The following RCAN1 variants were observed in gnomAD, a reference collection of about 807,000 sequenced individuals.
The protein encoded by RCAN1 is calcipressin-1.
In RCAN1, 11 loss-of-function variants were observed where a neutral mutation model predicts 22.9. The observed-to-expected ratio is 0.48, with a 90% CI of 0.30 to 0.79. The LOEUF is 0.79. Among genes scored for constraint, RCAN1 ranks in the 30% least tolerant of loss-of-function variants. The pLI is 0.06. For synonymous variants in RCAN1, 136 were observed against 142.3 expected, an observed-to-expected ratio of 0.96 and a Z score of 0.32; for missense variants, 291 against 337.8, an observed-to-expected ratio of 0.86 and a Z score of 1.09.
At chr21:34,592,638 A>G (rs1037468432) in intron 1 of RCAN1, among the ~76,000 whole-genome samples, 2 of 152,104 alleles carry the variant, frequency 1.3e-5, no homozygotes, top group Admixed American at 1.3e-4. Context: ...ACTCCAGTCT[A>G]TAAGAGGATA....
At chr21:34,525,299 T>C in intron 1 of RCAN1, 1 of 1,541,636 alleles carries the variant, frequency 6.5e-7, no homozygotes. Flanking sequence ...ACGACCTTGC[T>C]CTCCTTGCAT....
chr21:34,530,780 A>G lies in RCAN1; in HGVS notation c.253-7070T>C, dbSNP rs544638192. ...GTTGGGATTACAGGCGCCTGCCACC[A>G]CGCCCAGCTAATTTTTGTATTTTTA... On this transcript the variant is annotated intron_variant, in intron 1 of 3. Transcript: ENST00000313806. 2.8e-3 allele frequency among the ~76,000 whole-genome samples: 427 copies of G among 151,680 alleles called. 1 individual carries two copies. The highest frequency in any genetic ancestry group is 9.9e-3 in the African/African-American group (410 of 41,376).
At chr21:34,567,091 C>T (rs1208771304) in intron 1 of RCAN1, among the ~76,000 whole-genome samples, 3 of 152,084 alleles carry the variant, frequency 2.0e-5, no homozygotes, top group African/African-American at 7.3e-5. Flanking sequence ...CTTTGCCTCC[C>T]ACCTCCCCAC....
intron 1 of RCAN1, among the ~76,000 whole-genome samples, chr21:34,532,963 CTTT>C (rs35547356): frequency 2.8e-5 from 4 of 141,660 alleles, no homozygotes; most frequent in East Asian, 2.1e-4. Context: ...ACAAAATAAA[CTTT>C]TTTTTTTTTT....
intron 1 of RCAN1, among the ~76,000 whole-genome samples, chr21:34,603,436 A>T (rs1205327373): frequency 1.3e-5 from 2 of 152,204 alleles, no homozygotes; most frequent in East Asian, 3.9e-4. Flanking sequence ...AAAGGGGAGA[A>T]CATTATTCGT....
intron 1 of RCAN1, among the ~76,000 whole-genome samples, chr21:34,530,247 A>C (rs951328437): frequency 2.6e-5 from 4 of 152,238 alleles, no homozygotes; most frequent in African/African-American, 9.6e-5. Flanking sequence ...ACACCATAAA[A>C]ATCATAAATG....
intron 1 of RCAN1, among the ~76,000 whole-genome samples, chr21:34,540,928 T>A (rs1485708803): frequency 6.6e-6 from 1 of 151,894 alleles, no homozygotes; most frequent in East Asian, 1.9e-4. Flanking sequence ...GAGGTTGCAG[T>A]GAGCCGAGAT....
chr21:34,609,115 T>C (rs1211431881), intron 1 of RCAN1, among the ~76,000 whole-genome samples: 1 of 152,186 alleles, frequency 6.6e-6, no homozygotes, highest in East Asian at 1.9e-4. Flanking sequence ...AAAGTTTGAG[T>C]TAAGGTAATT....
chr21:34,575,983 G>GC (rs987223662), intron 1 of RCAN1, among the ~76,000 whole-genome samples: 2 of 152,126 alleles, frequency 1.3e-5, no homozygotes, highest in Admixed American at 6.5e-5. Flanking sequence ...CCATCACACT[G>GC]CATGGGATCC....
intron 1 of RCAN1, among the ~76,000 whole-genome samples, chr21:34,586,255 T>C (rs571594039): frequency 8.6e-4 from 131 of 152,308 alleles, no homozygotes; most frequent in African/African-American, 2.9e-3. Flanking sequence ...AGAAGGCATA[T>C]TTTTTCAAGT....
intron 1 of RCAN1, among the ~76,000 whole-genome samples, chr21:34,589,276 A>G (rs1190323577): frequency 2.0e-5 from 3 of 152,222 alleles, no homozygotes; most frequent in Admixed American, 2.0e-4. Flanking sequence ...TTAATTGTAG[A>G]TCCATTAAAT....
At chr21:34,607,064 CATTA>C (rs1479500501) in intron 1 of RCAN1, among the ~76,000 whole-genome samples, 6 of 152,168 alleles carry the variant, frequency 3.9e-5, no homozygotes, top group Non-Finnish European at 7.3e-5. Flanking sequence ...CTCTCTTTGG[CATTA>C]ATTATGATTG....
Position 34,550,138 on chromosome 21 carries a change from T to C in RCAN1, c.253-26428A>G, listed in dbSNP as rs117487339. Among the ~76,000 whole-genome samples the C allele has an allele frequency of 3.0e-4, 45 of 152,322 alleles. No individual in the cohort carries two copies. In the East Asian group the frequency reaches 8.1e-3, roughly 27 times the overall value. On this transcript the variant is annotated intron_variant, in intron 1 of 3. Transcript: ENST00000313806. ...AGCAAAACCACCTGATACCCTAAAA[T>C]ATCATTTAGACAATTATGTTATTAT... is the stretch of plus-strand genomic sequence containing the variant.
At chr21:34,538,283 A>G (rs1182608181) in intron 1 of RCAN1, among the ~76,000 whole-genome samples, 2 of 152,218 alleles carry the variant, frequency 1.3e-5, no homozygotes, top group African/African-American at 4.8e-5. Flanking sequence ...CTGCTCTTGT[A>G]CAAATCTATG....
chr21:34,601,681 G>A (rs1323528403), intron 1 of RCAN1, among the ~76,000 whole-genome samples: 2 of 152,082 alleles, frequency 1.3e-5, no homozygotes, highest in Non-Finnish European at 1.5e-5. Flanking sequence ...AGCCAGGCGT[G>A]GTGGTGGGCG....
chr21:34,595,338 A>G (rs1229671532), intron 1 of RCAN1, among the ~76,000 whole-genome samples: 1 of 152,164 alleles, frequency 6.6e-6, no homozygotes, highest in Non-Finnish European at 1.5e-5. Context: ...AGGAGGAAAA[A>G]TCCCTTAGCT....
intron 1 of RCAN1, among the ~76,000 whole-genome samples, chr21:34,605,381 C>G (rs9305552): frequency 0.74 from 111,993 of 152,128 alleles, 41,558 homozygotes; most frequent in East Asian, 0.96. Context: ...GGATTGTGTG[C>G]GTCAATACTC....
chr21:34,568,800 T>C (rs958928048), intron 1 of RCAN1, among the ~76,000 whole-genome samples: 1 of 152,216 alleles, frequency 6.6e-6, no homozygotes, highest in African/African-American at 2.4e-5. Context: ...TTCTGCAAGA[T>C]CTTTCTTAGT....
chr21:34,561,877 C>T (rs1447808043), intron 1 of RCAN1, among the ~76,000 whole-genome samples: 1 of 152,196 alleles, frequency 6.6e-6, no homozygotes. Context: ...CTCCTGCCCA[C>T]TGCAATTTTC....
Sources: gnomAD v4.1 joint callset for allele counts (sites outside exome capture counted in the v4.1 genomes callset) on GRCh38, gnomAD v4.1.1 for gene constraint, MANE v1.5 for transcripts, NCBI Gene and HGNC (gene_info 2026-07-23, HGNC 2026-07-21) for gene names.